PHACTR1: variants seen among roughly 807,000 people sequenced by gnomAD.
PHACTR1 encodes the protein phosphatase and actin regulator 1.
In PHACTR1, 16 loss-of-function variants were observed where a neutral mutation model predicts 69.2. The observed-to-expected ratio is 0.23, with a 90% confidence interval of 0.16 to 0.35. The LOEUF is 0.35. Ranked by LOEUF, PHACTR1 falls within the 10% of genes least tolerant of loss-of-function variation. PHACTR1 has a pLI of 1.00. For synonymous variants in PHACTR1, 312 were observed against 284.5 expected, an observed-to-expected ratio of 1.10 and a Z score of -0.97; for missense variants, 510 against 734.7, an observed-to-expected ratio of 0.69 and a Z score of 3.54.
chr6:13,118,384 T>C (rs1467357304), intron 5 of PHACTR1, among the ~76,000 whole-genome samples: 1 of 152,130 alleles, frequency 6.6e-6, no homozygotes, highest in African/African-American at 2.4e-5. Flanking sequence ...CCTGGGAGTT[T>C]TACCCAAGTC....
rs1273685957 is a variant in PHACTR1 at position 12,791,382 on chromosome 6, A to G, written c.250+41592A>G. Among the ~76,000 whole-genome samples, 3 of 152,148 alleles carry G rather than the reference A, an allele frequency of 2.0e-5. No individual in the cohort carries two copies. The East Asian group carries it at 5.8e-4, about 29-fold the overall frequency. Reference sequence around the variant, plus strand: ...ACTGGAGGAAATAGATCAGCCCAATAGTTCAGAGATGAATAATACCCCAGG... The same window carrying G: ...ACTGGAGGAAATAGATCAGCCCAATGGTTCAGAGATGAATAATACCCCAGG... On this transcript the variant is annotated intron_variant, in intron 4 of 14. Coordinates refer to ENST00000332995, the MANE Select transcript of PHACTR1 (RefSeq NM_030948.6).
At chr6:13,097,296 A>G (rs2127847357) in intron 5 of PHACTR1, among the ~76,000 whole-genome samples, 1 of 152,374 alleles carries the variant, frequency 6.6e-6, no homozygotes, top group Middle Eastern at 3.4e-3. Flanking sequence ...TTTCTTAAAA[A>G]AACATTATTC....
intron 5 of PHACTR1, among the ~76,000 whole-genome samples, chr6:13,085,071 G>A (rs557133891): frequency 7.2e-5 from 11 of 152,078 alleles, no homozygotes; most frequent in Middle Eastern, 3.5e-3. Context: ...ATGTTAAAAA[G>A]TATACAACAA....
chr6:12,818,166 G>C (rs1404153127), intron 4 of PHACTR1, among the ~76,000 whole-genome samples: 1 of 152,090 alleles, frequency 6.6e-6, no homozygotes, highest in Non-Finnish European at 1.5e-5. Flanking sequence ...ATCAGTTAGT[G>C]TTTGCTACGT....
At chr6:13,010,815 G>C (rs1302565890) in intron 4 of PHACTR1, among the ~76,000 whole-genome samples, 2 of 150,650 alleles carry the variant, frequency 1.3e-5, no homozygotes, top group East Asian at 3.9e-4. Context: ...GATCAACTTG[G>C]TTAAAAAAAA....
intron 5 of PHACTR1, among the ~76,000 whole-genome samples, chr6:13,054,773 A>T (rs1331687937): frequency 6.6e-6 from 1 of 152,202 alleles, no homozygotes; most frequent in Non-Finnish European, 1.5e-5. Flanking sequence ...GGGTTGCAAC[A>T]TATGAATTTG....
intron 4 of PHACTR1, among the ~76,000 whole-genome samples, chr6:13,045,844 G>A (rs1219816644): frequency 6.6e-6 from 1 of 152,216 alleles, no homozygotes; most frequent in Non-Finnish European, 1.5e-5. Flanking sequence ...AGTGGGGAGA[G>A]CTGCCTTTAC....
intron 4 of PHACTR1, among the ~76,000 whole-genome samples, chr6:12,964,424 A>G (rs574257832): frequency 6.6e-6 from 1 of 152,292 alleles, no homozygotes; most frequent in African/African-American, 2.4e-5. Flanking sequence ...GAATAGGTAT[A>G]TTTTAATACA....
intron 4 of PHACTR1, among the ~76,000 whole-genome samples, chr6:12,908,595 T>A (rs551200637): frequency 4.0e-5 from 6 of 151,058 alleles, no homozygotes; most frequent in South Asian, 2.1e-4. Context: ...GGAGGTGAAG[T>A]GTGAGCTGAA....
At position 13,128,592 on chromosome 6, in the gene PHACTR1, C is replaced by T. The variant is rs571794840; in HGVS notation, c.416-31612C>T. 7.1e-4 allele frequency among the ~76,000 whole-genome samples: 108 copies of T among 151,772 alleles called. 1 individual carries two copies. The highest frequency in any genetic ancestry group is 5.8e-3 in the South Asian group (28 of 4,802). Reference sequence around the variant, plus strand: ...GACAAGGCTTTTGAATTAACCCAATCAGACAAAGACAATGAAAAAAAATTT... The same window carrying T: ...GACAAGGCTTTTGAATTAACCCAATTAGACAAAGACAATGAAAAAAAATTT... On this transcript the variant is annotated intron_variant, in intron 5 of 14. Coordinates refer to ENST00000332995, the MANE Select transcript of PHACTR1 (RefSeq NM_030948.6).
chr6:12,869,408 C>T (rs1781801484), intron 4 of PHACTR1, among the ~76,000 whole-genome samples: 2 of 152,104 alleles, frequency 1.3e-5, no homozygotes, highest in African/African-American at 4.8e-5. Context: ...GTCCTAGCCT[C>T]AACCACCTGT....
rs2127553364 is a variant in PHACTR1, at chr6:12,718,690, T to C, written c.-46-9T>C. On this transcript the variant is annotated splice_polypyrimidine_tract_variant and intron_variant, in intron 2 of 14. Coordinates refer to ENST00000332995, the MANE Select transcript of PHACTR1 (RefSeq NM_030948.6). ...TAAAATATTGTGGATTTTTTTTTCC[T>C]CTTTATAGGTGTTCCAGTGTTTTCT... The C allele has an allele frequency of 1.1e-6, 1 of 905,264 alleles. No homozygotes were observed. Among genetic ancestry groups the C allele is most frequent in the East Asian group, 2.7e-5 (1 of 36,458 alleles). The allele number at this position is 905,264 out of a possible 1,614,324, so 56.1% of individuals were successfully genotyped here.
intron 4 of PHACTR1, among the ~76,000 whole-genome samples, chr6:12,766,861 G>T (rs1371774812): frequency 1.3e-5 from 2 of 152,172 alleles, no homozygotes; most frequent in Non-Finnish European, 2.9e-5. Flanking sequence ...CTAGAAGCGT[G>T]TTGATAGGTA....
intron 5 of PHACTR1, among the ~76,000 whole-genome samples, chr6:13,104,349 C>T (rs17375084): frequency 0.24 from 36,190 of 151,964 alleles, 4,668 homozygotes; most frequent in African/African-American, 0.33. Context: ...GAAATATATA[C>T]GCAAGATCAT....
At chr6:12,732,291 C>T (rs1438967153) in intron 3 of PHACTR1, among the ~76,000 whole-genome samples, 2 of 138,606 alleles carry the variant, frequency 1.4e-5, no homozygotes, top group South Asian at 2.6e-4. Context: ...TCTTTTTACA[C>T]ACATGGGCAC....
In PHACTR1 at chr6:12,905,104, G is replaced by C. The variant is rs568968042; in HGVS notation, c.251-148261G>C. On this transcript the variant is annotated intron_variant, in intron 4 of 14. Coordinates refer to ENST00000332995, the MANE Select transcript of PHACTR1 (RefSeq NM_030948.6). ...ACCTGGGGAACTTTTGAAAAATTAT[G>C]ATGCCTGGTCCCAACCCCATGGAGC... Among the ~76,000 whole-genome samples the C allele has an allele frequency of 1.1e-3, 172 of 152,266 alleles. 1 individual carries two copies. The highest frequency in any genetic ancestry group is 2.0e-3 in the Non-Finnish European group (139 of 68,018).
chr6:13,283,644 G>A lies in PHACTR1; in HGVS notation c.1650+82G>A. 6.2e-7 allele frequency: 1 copy of A among 1,603,958 alleles called. No homozygotes were observed. Among genetic ancestry groups the A allele is most frequent in the Non-Finnish European group, 8.5e-7 (1 of 1,173,980 alleles). On this transcript the variant is annotated intron_variant, in intron 13 of 14. Transcript: ENST00000332995. This position sits in a 1 kb window ranked among gnomAD's most constrained non-coding sequence, Gnocchi z 4.7. Reference sequence around the variant, plus strand: ...GGGCTCACCGCTGGGGAGCGTGTAGGGAGACCTGCAGCCAGGCCTCAGCCG... The same window carrying A: ...GGGCTCACCGCTGGGGAGCGTGTAGAGAGACCTGCAGCCAGGCCTCAGCCG...
chr6:13,004,519 G>A (rs150850008), intron 4 of PHACTR1, among the ~76,000 whole-genome samples: 1 of 152,266 alleles, frequency 6.6e-6, no homozygotes, highest in East Asian at 1.9e-4. Context: ...TGTAGATTCT[G>A]AATATTAGTT....
In PHACTR1 at chr6:13,130,013, A is replaced by G. The variant is rs577747527; in HGVS notation, c.416-30191A>G. On this transcript the variant is annotated intron_variant, in intron 5 of 14. Coordinates refer to ENST00000332995, the MANE Select transcript of PHACTR1 (RefSeq NM_030948.6). ...AACTCCAAATGGAGCCCCTAAAACT[A>G]TACAAATACATGGAAATTAAATAAT... 3.6e-3 allele frequency among the ~76,000 whole-genome samples: 551 copies of G among 152,296 alleles called. 4 individuals are homozygous for G. The highest frequency in any genetic ancestry group is 0.013 in the African/African-American group (520 of 41,572).
Sources: gnomAD v4.1 joint callset for allele counts (sites outside exome capture counted in the v4.1 genomes callset) on GRCh38, gnomAD v4.1.1 for gene constraint, Gnocchi (gnomAD v3.1) non-coding constraint, MANE v1.5 for transcripts, NCBI Gene and HGNC (gene_info 2026-07-23, HGNC 2026-07-21) for gene names.